Variants in OXR1 observed in about 807,000 individuals in gnomAD.
The protein encoded by OXR1 is oxidation resistance 1, also known as oxidation resistance protein 1.
OXR1 carries 41 observed loss-of-function variants against 104.6 expected under a neutral mutation model. The observed-to-expected ratio is 0.39, with a 90% CI of 0.31 to 0.51. OXR1 has a LOEUF of 0.51. OXR1 is among the 20% of genes least tolerant of loss of function. The pLI, the probability that OXR1 is intolerant of heterozygous loss-of-function variation, is 0.77. For missense variants in OXR1, 955 were observed against 1,031.9 expected (o/e 0.93, Z 1.02); for synonymous variants, 348 against 348.4 (o/e 1.00, Z 0.01).
chr8:106,501,264 C>G (rs149218195), intron 2 of OXR1, among the ~76,000 whole-genome samples: 1 of 152,152 alleles, frequency 6.6e-6, no homozygotes, highest in African/African-American at 2.4e-5. Flanking sequence ...GCTAGGAAGA[C>G]AGGCAACTGC....
chr8:106,740,750 G>A (rs955307922), intron 14 of OXR1, among the ~76,000 whole-genome samples: 3 of 152,116 alleles, frequency 2.0e-5, no homozygotes, highest in Non-Finnish European at 2.9e-5. Context: ...ATCTCTAATG[G>A]TGGGGAAAAT....
chr8:106,653,191 A>C (rs1414220841), intron 3 of OXR1, among the ~76,000 whole-genome samples: 1 of 151,596 alleles, frequency 6.6e-6, no homozygotes, highest in Non-Finnish European at 1.5e-5. Flanking sequence ...CATTTAAAGA[A>C]TGATTAGTAA....
chr8:106,298,449 C>G (rs1813096057), intron 1 of OXR1, among the ~76,000 whole-genome samples: 1 of 152,134 alleles, frequency 6.6e-6, no homozygotes, highest in Non-Finnish European at 1.5e-5. Flanking sequence ...ATTCAGTTAC[C>G]TCCCACGACA....
At chr8:106,601,382 GAAA>G in intron 3 of OXR1, among the ~76,000 whole-genome samples, 1 of 152,094 alleles carries the variant, frequency 6.6e-6, no homozygotes, top group Non-Finnish European at 1.5e-5. Flanking sequence ...TTGGAAGCTG[GAAA>G]GCCCAAGACT....
intron 1 of OXR1, among the ~76,000 whole-genome samples, chr8:106,323,508 AG>A (rs1363225542): frequency 6.6e-6 from 1 of 152,236 alleles, no homozygotes; most frequent in Non-Finnish European, 1.5e-5. Context: ...AAAATTGACA[AG>A]TGGGATTTAA....
At chr8:106,710,583 G>A in intron 9 of OXR1, 39 bp from the exon 10 acceptor site, 1 of 1,368,404 alleles carries the variant, frequency 7.3e-7, no homozygotes, top group Non-Finnish European at 9.7e-7. Context: ...AACTTGGTGT[G>A]TGAGAATTGA....
chr8:106,582,591 G>C (rs765406824), intron 3 of OXR1, among the ~76,000 whole-genome samples: 14 of 152,058 alleles, frequency 9.2e-5, no homozygotes, highest in Non-Finnish European at 1.9e-4. Context: ...ATGTTAAAGA[G>C]ACAAATTCCT....
At chr8:106,571,048 G>A (rs1178571964) in intron 3 of OXR1, among the ~76,000 whole-genome samples, 4 of 151,868 alleles carry the variant, frequency 2.6e-5, no homozygotes, top group African/African-American at 9.7e-5. Flanking sequence ...TTGTTCCAAA[G>A]AGTTGGAACC....
chr8:106,695,015 A>C (rs946334498), intron 7 of OXR1, among the ~76,000 whole-genome samples: 3 of 147,204 alleles, frequency 2.0e-5, no homozygotes, highest in African/African-American at 7.5e-5. Context: ...CACTTTAAGT[A>C]GCATTATATA....
intron 3 of OXR1, among the ~76,000 whole-genome samples, chr8:106,606,267 A>G (rs1820378739): frequency 6.7e-6 from 1 of 148,772 alleles, no homozygotes; most frequent in Admixed American, 6.8e-5. Context: ...AGTCTTCCTT[A>G]GAGCATATCA....
intron 6 of OXR1, among the ~76,000 whole-genome samples, chr8:106,685,982 G>A (rs1037961934): frequency 5.3e-5 from 8 of 152,144 alleles, no homozygotes; most frequent in African/African-American, 1.9e-4. Context: ...GCAGCAACCT[G>A]GATGGAATTG....
At chr8:106,494,537 A>G (rs547472350) in intron 2 of OXR1, among the ~76,000 whole-genome samples, 2 of 152,220 alleles carry the variant, frequency 1.3e-5, no homozygotes, top group Non-Finnish European at 2.9e-5. Context: ...TCCCATCAGT[A>G]TCCTGACTTA....
intron 1 of OXR1, among the ~76,000 whole-genome samples, chr8:106,280,630 T>C (rs1366976024): frequency 2.0e-5 from 3 of 151,962 alleles, no homozygotes; most frequent in Non-Finnish European, 2.9e-5. Flanking sequence ...GTCTGAAAGG[T>C]GAAAAGACTA....
intron 2 of OXR1, among the ~76,000 whole-genome samples, chr8:106,487,261 T>A (rs539535193): frequency 1.3e-5 from 2 of 151,674 alleles, no homozygotes; most frequent in East Asian, 3.9e-4. Context: ...TGACCTCAGG[T>A]GATCTGCCCG....
At chr8:106,298,128 A>C (rs1282945459) in intron 1 of OXR1, among the ~76,000 whole-genome samples, 1 of 152,214 alleles carries the variant, frequency 6.6e-6, no homozygotes, top group Non-Finnish European at 1.5e-5. Context: ...TTATTTATGC[A>C]TAACAAGTAG....
At chr8:106,506,545 G>A (rs1010785829) in intron 2 of OXR1, among the ~76,000 whole-genome samples, 5 of 152,086 alleles carry the variant, frequency 3.3e-5, no homozygotes, top group Non-Finnish European at 5.9e-5. Flanking sequence ...CCCAGGAGGC[G>A]GAGCTTGCAG....
chr8:106,348,322 TA>T (rs1378609241), intron 1 of OXR1, among the ~76,000 whole-genome samples: 9 of 152,160 alleles, frequency 5.9e-5, no homozygotes, highest in African/African-American at 1.9e-4. Flanking sequence ...CACACACCCC[TA>T]CCTATTTATA....
chr8:106,693,547 A>T (rs1408413956), intron 7 of OXR1, among the ~76,000 whole-genome samples: 1 of 148,692 alleles, frequency 6.7e-6, no homozygotes, highest in East Asian at 2.0e-4. Context: ...CTCCTGCCTG[A>T]GCCTCCTGAG....
rs374921717 is a variant in OXR1 at position 106,516,831 on chromosome 8, T to C, written c.24-2112T>C. Among the ~76,000 whole-genome samples, 6 of 152,294 alleles carry C rather than the reference T, an allele frequency of 3.9e-5. No individual in the cohort carries two copies. In the East Asian group the frequency reaches 5.8e-4, roughly 15 times the overall value. On this transcript the variant is annotated intron_variant, in intron 2 of 16. Transcript: ENST00000517566. ...ATGTAACTTTTATTACAGTATATTG[T>C]TATAGTTGTTCTGTGTTATTATTGT...
Sources: allele counts gnomAD v4.1 joint callset (sites outside exome capture counted in the v4.1 genomes callset), GRCh38; gene constraint gnomAD v4.1.1; transcripts MANE v1.5; gene names NCBI Gene and HGNC (gene_info 2026-07-23, HGNC 2026-07-21).